MDN1: variants seen among roughly 807,000 people sequenced by gnomAD.
MDN1 encodes the protein midasin AAA ATPase 1, also known as midasin.
Under a neutral mutation model 669.2 loss-of-function variants are expected in MDN1, and 266 were observed. That is an observed-to-expected ratio of 0.40 (90% CI 0.36 to 0.44). The LOEUF is 0.44. MDN1 is among the 20% of genes least tolerant of loss of function. The pLI is 1.00. For synonymous variants in MDN1, 2,385 were observed against 2,457.1 expected (o/e 0.97, Z 0.87); for missense variants, 5,940 against 6,754.0 (o/e 0.88, Z 4.22).
At position 89,688,636 on chromosome 6, in the gene MDN1, T is replaced by C. The variant is rs370754296; in HGVS notation, c.11196A>G (p.Gln3732=). The C allele has an allele frequency of 8.2e-5, 133 of 1,614,070 alleles. No individual in the cohort carries two copies. The highest frequency in any genetic ancestry group is 6.0e-4 in the South Asian group (55 of 91,092). ...AGTGACTGACAGCCTCTGAGAAACCTTGAAGCACAGGTTGACACTGCCGTG... is the reference window on the plus strand; with the variant it reads ...AGTGACTGACAGCCTCTGAGAAACCCTGAAGCACAGGTTGACACTGCCGTG... ...PEARQCQPVL[Q]GFSEAVSHLL... is the part of the protein sequence containing the mutation. Residue 3732 remains glutamine, a synonymous_variant, in exon 66 of 102, where the codon CAA becomes CAG. Transcript: ENST00000369393.
At chr6:89,703,261 C>T (rs970601795) in intron 53 of MDN1, among the ~76,000 whole-genome samples, 2 of 151,368 alleles carry the variant, frequency 1.3e-5, no homozygotes, top group African/African-American at 4.9e-5. Context: ...TTTATATAAA[C>T]ATCTAATTCT....
At chr6:89,817,205 C>T (rs1369634824) in intron 1 of MDN1, among the ~76,000 whole-genome samples, 1 of 152,198 alleles carries the variant, frequency 6.6e-6, no homozygotes, top group South Asian at 2.1e-4. Flanking sequence ...TGTAGCCCGA[C>T]CACCTTGGGC....
intron 31 of MDN1, among the ~76,000 whole-genome samples, chr6:89,740,593 T>G (rs1465643020): frequency 6.6e-6 from 1 of 152,184 alleles, no homozygotes; most frequent in African/African-American, 2.4e-5. Context: ...ACTTTTCAAC[T>G]TATAAACTAT....
chr6:89,819,762 C>A lies in MDN1; in HGVS notation c.-155G>T, dbSNP rs562434054. The A allele has an allele frequency of 5.4e-4, 339 of 632,584 alleles. 3 individuals are homozygous for A. In the East Asian group the frequency reaches 9.1e-3, roughly 17 times the overall value. 39.2% of individuals were successfully genotyped at this position (632,584 alleles called of 1,614,324 possible). On this transcript the variant is annotated 5_prime_UTR_variant, in exon 1 of 102. Coordinates refer to ENST00000369393, the MANE Select transcript of MDN1 (RefSeq NM_014611.3). ...CGCCTACACCGGGAGAGGGGCACCACACGTGGGTGAGCACACGGCGTTTGA... is the reference window on the plus strand; with the variant it reads ...CGCCTACACCGGGAGAGGGGCACCAAACGTGGGTGAGCACACGGCGTTTGA...
In MDN1 at chr6:89,756,358, C is replaced by T. The variant is rs1361149893; in HGVS notation, c.2735G>A (p.Ser912Asn). ...AATAAGAACCTGTAAGTCTTCTTTG[C>T]TTTCTAATTCTTCTACATAAAGTTC... is the stretch of plus-strand genomic sequence containing the variant. ...FTELYVEELE[S>N]KEDLQVLIVD... The change falls in exon 20 of 102, where the codon AGC becomes AAC. Residue 912 changes from serine (S) to asparagine (N), a missense_variant. Ser to Asn is a conservative substitution (Grantham distance 46). Transcript: ENST00000369393. 44 of 1,592,532 alleles carry T rather than the reference C, an allele frequency of 2.8e-5. No homozygotes were observed. The Admixed American group carries it at 6.6e-4, about 24-fold the overall frequency.
At chr6:89,746,619 G>A (rs143843974) in intron 27 of MDN1, among the ~76,000 whole-genome samples, 26 of 8,852 alleles carry the variant, frequency 2.9e-3, no homozygotes, top group East Asian at 8.5e-3. Flanking sequence ...AAAAAAGAAA[G>A]AAAGAAAGAA....
chr6:89,718,845 G>A lies in MDN1; in HGVS notation c.6243C>T (p.His2081=), dbSNP rs1814610899. ...TGATCTTTAATGTGTGGCCAGTAAG[G>A]TGTGCCAGAAGCTGGACCAGGCTGG... is the stretch of plus-strand genomic sequence containing the variant. ...GKTSLVQLLA[H]LTGHTLKIMA... The change falls in exon 42 of 102, where the codon CAC becomes CAT. Residue 2081 remains histidine, a synonymous_variant. Coordinates refer to ENST00000369393, the MANE Select transcript of MDN1 (RefSeq NM_014611.3). 1.9e-6 allele frequency: 3 copies of A among 1,614,074 alleles called. No homozygotes were observed. The highest frequency in any genetic ancestry group is 1.3e-5 in the African/African-American group (1 of 74,926).
intron 31 of MDN1, among the ~76,000 whole-genome samples, chr6:89,742,202 C>G (rs1816330513): frequency 6.6e-6 from 1 of 152,140 alleles, no homozygotes; most frequent in Admixed American, 6.5e-5. Context: ...CACCTGAGGT[C>G]AGGAGTTCAA....
rs1184668373 is a variant in MDN1, at chr6:89,794,711, A to G, written c.420T>C (p.Arg140=). 1.2e-6 allele frequency: 2 copies of G among 1,614,086 alleles called. No homozygotes were observed. The highest frequency in any genetic ancestry group is 1.3e-5 in the African/African-American group (1 of 74,936). The change falls in exon 3 of 102, where the codon CGT becomes CGC. Residue 140 remains arginine (R), a synonymous_variant. Transcript: ENST00000369393. ...SSDANPVRYG[R]RRMKLRDLME... ...TTAGGTCCCGGAGCTTCATCCTCCTACGTCCATAGCGTACTGGATTAGCAT... is the reference window on the plus strand; with the variant it reads ...TTAGGTCCCGGAGCTTCATCCTCCTGCGTCCATAGCGTACTGGATTAGCAT...
chr6:89,703,019 TC>T (rs1230516442), intron 53 of MDN1, among the ~76,000 whole-genome samples: 1 of 150,514 alleles, frequency 6.6e-6, no homozygotes, highest in Non-Finnish European at 1.5e-5. Context: ...CACTGCAACC[TC>T]CGCTTCCCAG....
At chr6:89,729,599 T>G (rs921308082) in intron 35 of MDN1, among the ~76,000 whole-genome samples, 4 of 152,082 alleles carry the variant, frequency 2.6e-5, no homozygotes, top group Non-Finnish European at 5.9e-5. Flanking sequence ...AGTTAACTGA[T>G]ATGCAGGACT....
intron 50 of MDN1, among the ~76,000 whole-genome samples, chr6:89,709,840 C>T (rs769056333): frequency 2.6e-5 from 4 of 152,144 alleles, no homozygotes; most frequent in Non-Finnish European, 4.4e-5. Context: ...TTGAATACTT[C>T]CTTTGATCAG....
chr6:89,724,995 C>T (rs1236130433), intron 38 of MDN1, among the ~76,000 whole-genome samples: 1 of 152,176 alleles, frequency 6.6e-6, no homozygotes, highest in Non-Finnish European at 1.5e-5. Flanking sequence ...GCTGATAACA[C>T]ATCTAGTCTT....
intron 43 of MDN1, 35 bp downstream of exon 43, chr6:89,718,331 G>C (rs774266579): frequency 6.3e-7 from 1 of 1,591,688 alleles, no homozygotes; most frequent in East Asian, 2.2e-5. Context: ...ATAAGCAATG[G>C]TAAGTTCCTG....
At chr6:89,691,865 G>A (rs138476516) in intron 63 of MDN1, among the ~76,000 whole-genome samples, 1 of 152,162 alleles carries the variant, frequency 6.6e-6, no homozygotes, top group East Asian at 1.9e-4. Context: ...TGTTAACTAT[G>A]CTAAGATTTG....
At position 89,740,269 on chromosome 6, in the gene MDN1, T is replaced by A; in HGVS notation, c.4558A>T (p.Thr1520Ser). 6.2e-7 allele frequency: 1 copy of A among 1,612,250 alleles called. No individual in the cohort carries two copies. Among genetic ancestry groups the A allele is most frequent in the Non-Finnish European group, 8.5e-7 (1 of 1,179,514 alleles). ...TAGKKFRILA[T>S]MNPGGDFGKK... ...CCAAAGTCACCCCCAGGGTTCATGG[T>A]TGCTAGAATACGAAATTTTTTCCCA... is the stretch of plus-strand genomic sequence containing the variant. The change falls in exon 32 of 102, where the codon ACC becomes TCC. Residue 1520 changes from threonine (T) to serine (S), a missense_variant. By Grantham distance (58) the Thr-to-Ser change is moderately conservative. This residue lies in a region of MDN1 where 2,292 missense variants were observed against 2,638.3 expected (regional missense o/e 0.87). Transcript: ENST00000369393.
In MDN1 at chr6:89,805,628, C is replaced by T. The variant is rs149722633; in HGVS notation, c.103-2074G>A. 3.7e-3 allele frequency among the ~76,000 whole-genome samples: 564 copies of T among 152,290 alleles called. 1 individual carries two copies. The highest frequency in any genetic ancestry group is 4.8e-3 in the African/African-American group (199 of 41,560). ...CCTTGAACACAGCATAAATGTCATA[C>T]GCAAAATTTAACGAGTTTTGCCAAA... On this transcript the variant is annotated intron_variant, in intron 1 of 101. Coordinates refer to ENST00000369393, the MANE Select transcript of MDN1 (RefSeq NM_014611.3).
chr6:89,794,687 T>C lies in MDN1; in HGVS notation c.444A>G (p.Leu148=), dbSNP rs769333956. Residue 148 remains leucine (L), a synonymous_variant, in exon 3 of 102, where the codon CTA becomes CTG. Coordinates refer to ENST00000369393, the MANE Select transcript of MDN1 (RefSeq NM_014611.3). ...YGRRRMKLRD[L]MEAAFKFLQQ... ...GCAGAAACTTGAAGGCTGCTTCCAT[T>C]AGGTCCCGGAGCTTCATCCTCCTAC... 4 of 1,614,176 alleles carry C rather than the reference T, an allele frequency of 2.5e-6. No homozygotes were observed. Among genetic ancestry groups the C allele is most frequent in the Non-Finnish European group, 3.4e-6 (4 of 1,180,032 alleles).
chr6:89,785,027 CTTATCCAGG>C lies in MDN1; in HGVS notation c.1425_1433del (p.Asn475_Asp477del). The C allele has an allele frequency of 6.2e-7, 1 of 1,612,662 alleles. No individual in the cohort carries two copies. The highest frequency in any genetic ancestry group is 8.5e-7 in the Non-Finnish European group (1 of 1,178,656). The stretch of plus-strand genomic sequence containing the variant: ...ACCCACGTACCTCATTCAGTTCTCT[CTTATCCAGG>C]TTATCCAGGTGAATTTTGGTCCAAT... On this transcript the variant is annotated inframe_deletion, in exon 9 of 102. Coordinates refer to ENST00000369393, the MANE Select transcript of MDN1 (RefSeq NM_014611.3).
Sources: allele counts gnomAD v4.1 joint callset (sites outside exome capture counted in the v4.1 genomes callset), GRCh38; gene constraint gnomAD v4.1.1; regional missense constraint gnomAD v4.1.1; transcripts MANE v1.5; gene names NCBI Gene and HGNC (gene_info 2026-07-23, HGNC 2026-07-21).